Variants in VWF observed in about 807,000 individuals in gnomAD.
The protein encoded by VWF is von Willebrand factor.
A neutral mutation model predicts 308.6 loss-of-function variants in VWF; 176 were observed. The observed-to-expected ratio is 0.57, with a 90% CI of 0.50 to 0.65. VWF has a LOEUF of 0.65. Ranked by LOEUF, VWF falls within the 30% of genes least tolerant of loss-of-function variation. VWF has a pLI of 0.00. For missense variants in VWF, 3,146 were observed against 3,648.2 expected (o/e 0.86, Z 3.55); for synonymous variants, 1,385 against 1,443.4 (o/e 0.96, Z 0.92).
At position 6,020,448 on chromosome 12, in the gene VWF, G is replaced by A. The variant is rs1297431624; in HGVS notation, c.3675-705C>T. Among the ~76,000 whole-genome samples, 5 of 152,216 alleles carry A rather than the reference G, an allele frequency of 3.3e-5. No individual in the cohort carries two copies. Among genetic ancestry groups the A allele is most frequent in the African/African-American group, 4.8e-5 (2 of 41,452 alleles). ...GACATAGGGTGAGCACCTCTCATGT[G>A]CCAGGTACTGGCCAGGCTCTGTGCC... On this transcript the variant is annotated intron_variant, in intron 27 of 51. Transcript: ENST00000261405. The surrounding 1 kb of genome is among the most constrained non-coding windows in gnomAD (Gnocchi z 4.3).
chr12:6,058,081 G>A lies in VWF; in HGVS notation c.1534-37C>T, dbSNP rs572236291. On this transcript the variant is annotated intron_variant, in intron 13 of 51. Coordinates refer to ENST00000261405, the MANE Select transcript of VWF (RefSeq NM_000552.5). This position sits in a 1 kb window ranked among gnomAD's most constrained non-coding sequence, Gnocchi z 4.9. ...ACCAGGCCACTCTGGAGCCGCTGCC[G>A]CGAAAGCAGCGGCATAGTTGTTTAG... 2.8e-4 allele frequency: 454 copies of A among 1,609,304 alleles called. 5 individuals carry two copies. The South Asian group carries it at 4.2e-3, about 15-fold the overall frequency.
At chr12:6,123,256 T>A in intron 1 of VWF, 60 bp from the exon 2 acceptor site, 1 of 1,600,250 alleles carries the variant, frequency 6.2e-7, no homozygotes, top group Non-Finnish European at 8.6e-7. Flanking sequence ...GCTGCTGGTG[T>A]GGCGACTATC....
chr12:6,053,005 G>A, intron 15 of VWF, among the ~76,000 whole-genome samples: 1 of 152,146 alleles, frequency 6.6e-6, no homozygotes, highest in East Asian at 1.9e-4. Flanking sequence ...TATCTGTATG[G>A]TCATCAACTT....
chr12:6,002,235 A>G (rs892775418), intron 34 of VWF, among the ~76,000 whole-genome samples: 24 of 152,046 alleles, frequency 1.6e-4, no homozygotes, highest in Non-Finnish European at 2.9e-4. Context: ...CAAGGATAAA[A>G]GCAGAAATCC....
intron 6 of VWF, among the ~76,000 whole-genome samples, chr12:6,083,623 T>C (rs1041840605): frequency 3.3e-5 from 5 of 152,168 alleles, no homozygotes; most frequent in Non-Finnish European, 4.4e-5. Context: ...TTTCCCTACC[T>C]GTGAAAGAGG....
At chr12:6,031,339 C>CTATTAAATGT (rs1565836556) in intron 21 of VWF, 105 bp downstream of exon 21, 3 of 1,589,612 alleles carry the variant, frequency 1.9e-6, no homozygotes, top group Non-Finnish European at 1.7e-6. Flanking sequence ...AATGGCTGTG[C>CTATTAAATGT]GTTATTCCAT....
At chr12:6,077,947 A>G (rs1944864593) in intron 6 of VWF, among the ~76,000 whole-genome samples, 1 of 152,168 alleles carries the variant, frequency 6.6e-6, no homozygotes, top group Non-Finnish European at 1.5e-5. Context: ...TCTGCAAAAC[A>G]GGGGAGAATA....
rs1944109835 is a variant in VWF at position 6,019,751 on chromosome 12, A to G, written c.3675-8T>C. The stretch of plus-strand genomic sequence containing the variant: ...TTGACAACATCACAGTGGCTGCAGA[A>G]AAGAGCGAAGAAATTAAAATGGTTC... On this transcript the variant is annotated splice_region_variant and splice_polypyrimidine_tract_variant and intron_variant, in intron 27 of 51. Coordinates refer to ENST00000261405, the MANE Select transcript of VWF (RefSeq NM_000552.5). The surrounding 1 kb of genome is among the most constrained non-coding windows in gnomAD (Gnocchi z 5.8). 6.2e-7 allele frequency: 1 copy of G among 1,608,650 alleles called. No individual in the cohort carries two copies. Among genetic ancestry groups the G allele is most frequent in the Non-Finnish European group, 8.5e-7 (1 of 1,177,738 alleles).
chr12:6,055,560 G>A (rs184810912), intron 15 of VWF, among the ~76,000 whole-genome samples: 128 of 152,082 alleles, frequency 8.4e-4, no homozygotes, highest in African/African-American at 2.9e-3. Context: ...CGTCCCTTTC[G>A]TCCTTACTGT....
rs545715742 is a variant in VWF at position 6,031,637 on chromosome 12, G to A, written c.2686-59C>T. 360 of 1,612,770 alleles carry A rather than the reference G, an allele frequency of 2.2e-4. 3 individuals carry two copies. In the South Asian group the frequency reaches 3.8e-3, roughly 17 times the overall value. ...ATCCCCACTGGCTCTCACCAGACCA[G>A]AAGATTGGCATCTCTTCATCACAGG... On this transcript the variant is annotated intron_variant, in intron 20 of 51. Transcript: ENST00000261405.
chr12:6,002,996 T>C (rs1943889153), intron 34 of VWF, among the ~76,000 whole-genome samples: 1 of 152,024 alleles, frequency 6.6e-6, no homozygotes, highest in Non-Finnish European at 1.5e-5. Context: ...TCTCATGTAG[T>C]AAATCAACAG....
In VWF at chr12:5,949,180, C is replaced by T. The variant is rs1943149302; in HGVS notation, c.8277G>A (p.Met2759Ile). The T allele has an allele frequency of 6.2e-7, 1 of 1,614,178 alleles. No homozygotes were observed. Among genetic ancestry groups the T allele is most frequent in the East Asian group, 2.2e-5 (1 of 44,888 alleles). Residue 2759 changes from methionine (M) to isoleucine (I), a missense_variant, in exon 52 of 52, where the codon ATG becomes ATA. Physicochemically the swap from Met to Ile is conservative, Grantham distance 10 (BLOSUM62 1). Coordinates refer to ENST00000261405, the MANE Select transcript of VWF (RefSeq NM_000552.5). ...YCQGKCASKA[M>I]YSIDINDVQD... ...GCACATCGTTGATGTCAATGGAGTA[C>T]ATGGCTTTGCTGGCACATTTGCCCT...
rs376162697 is a variant in VWF at position 6,057,897 on chromosome 12, C to T, written c.1681G>A (p.Asp561Asn). ...NAWKLHGDCQ[D>N]LQKQHSDPCA... ...GGATCGCTGTGCTGCTTCTGCAGGT[C>T]CTGGCAGTCCCCGTGCAGCTTCCAG... Residue 561 changes from aspartate to asparagine, a missense_variant, in exon 14 of 52, where the codon GAC becomes AAC. Coordinates refer to ENST00000261405, the MANE Select transcript of VWF (RefSeq NM_000552.5). 1.4e-5 allele frequency: 23 copies of T among 1,612,566 alleles called. No individual in the cohort carries two copies. Among genetic ancestry groups the T allele is most frequent in the Non-Finnish European group, 1.8e-5 (21 of 1,179,270 alleles).
intron 34 of VWF, among the ~76,000 whole-genome samples, chr12:6,008,756 T>C (rs529980927): frequency 6.6e-6 from 1 of 152,308 alleles, no homozygotes; most frequent in Non-Finnish European, 1.5e-5. Context: ...ATCATATGCA[T>C]AGAAAACTCT....
chr12:5,963,389 T>A (rs1264679458), intron 47 of VWF, among the ~76,000 whole-genome samples: 2 of 151,984 alleles, frequency 1.3e-5, no homozygotes, highest in African/African-American at 4.8e-5. Context: ...AACAGAGAAA[T>A]GCAAATTTAA....
At position 6,103,366 on chromosome 12, in the gene VWF, A is replaced by G. The variant is rs564596871; in HGVS notation, c.532+7008T>C. 3.0e-3 allele frequency among the ~76,000 whole-genome samples: 424 copies of G among 142,412 alleles called. 12 individuals carry two copies. The highest frequency in any genetic ancestry group is 9.1e-3 in the African/African-American group (321 of 35,428). The allele number at this position is 142,412 out of a possible 152,430, so 93.4% of individuals were successfully genotyped here. On this transcript the variant is annotated intron_variant, in intron 5 of 51. Coordinates refer to ENST00000261405, the MANE Select transcript of VWF (RefSeq NM_000552.5). ...TATATGTGTGTATATATACATATAT[A>G]TGTGTGTGTGTGTATACACGTGTGT...
At position 5,968,170 on chromosome 12, in the gene VWF, G is replaced by A. The variant is rs372396117; in HGVS notation, c.7730-3C>T. The A allele has an allele frequency of 2.1e-5, 34 of 1,613,870 alleles. No individual in the cohort carries two copies. Among genetic ancestry groups the A allele is most frequent in the Non-Finnish European group, 2.8e-5 (33 of 1,179,962 alleles). On this transcript the variant is annotated splice_polypyrimidine_tract_variant and splice_region_variant and intron_variant, in intron 45 of 51. Transcript: ENST00000261405. ...GAGCATGCAGGCCTCCATGCGCTCT[G>A]GGGGAGAGAAAAGTGCAGAGTGAGA...
chr12:6,031,693 C>T lies in VWF; in HGVS notation c.2686-115G>A, dbSNP rs2136426963. ...GAGTACGTGTCACAGGATCTTGCCA[C>T]GTCCATGGCTGCGCATATGTGCCTC... On this transcript the variant is annotated intron_variant, in intron 20 of 51. Coordinates refer to ENST00000261405, the MANE Select transcript of VWF (RefSeq NM_000552.5). The T allele has an allele frequency of 2.0e-5, 31 of 1,525,110 alleles. 1 individual carries two copies. The highest frequency in any genetic ancestry group is 6.8e-5 in the South Asian group (6 of 87,926). The allele number at this position is 1,525,110 out of a possible 1,614,324, so 94.5% of individuals were successfully genotyped here.
intron 18 of VWF, among the ~76,000 whole-genome samples, chr12:6,039,131 C>T (rs1394884568): frequency 6.6e-6 from 1 of 152,162 alleles, no homozygotes; most frequent in African/African-American, 2.4e-5. Flanking sequence ...GAACCACCTC[C>T]GTCTAGTGTT....
Sources: allele counts gnomAD v4.1 joint callset (sites outside exome capture counted in the v4.1 genomes callset), GRCh38; gene constraint gnomAD v4.1.1; non-coding constraint Gnocchi (gnomAD v3.1); transcripts MANE v1.5; gene names NCBI Gene and HGNC (gene_info 2026-07-23, HGNC 2026-07-21).